Variants in TENM2 observed in about 807,000 individuals in gnomAD.
TENM2 encodes the protein teneurin-2.
TENM2 carries 52 observed loss-of-function variants against 245.2 expected under a neutral mutation model. The ratio of observed to expected loss-of-function variants is 0.21; its 90% CI spans 0.17 to 0.27. TENM2 has a LOEUF of 0.27. Among genes scored for constraint, TENM2 ranks in the 10% least tolerant of loss-of-function variants. TENM2 has a pLI of 1.00. For missense variants in TENM2, 3,046 were observed against 3,666.8 expected, an observed-to-expected ratio of 0.83 and a Z score of 4.37; for synonymous variants, 1,363 against 1,438.9, an observed-to-expected ratio of 0.95 and a Z score of 1.19.
chr5:168,224,270 A>AC (rs202186334), intron 23 of TENM2, among the ~76,000 whole-genome samples: 392 of 151,888 alleles, frequency 2.6e-3, no homozygotes, highest in Non-Finnish European at 3.8e-3. Flanking sequence ...GGTCTGCGCC[A>AC]CCCCATGCCT....
intron 3 of TENM2, among the ~76,000 whole-genome samples, chr5:167,915,235 G>T (rs1776846276): frequency 6.6e-6 from 1 of 152,092 alleles, no homozygotes; most frequent in Non-Finnish European, 1.5e-5. Flanking sequence ...GCAAAAAAAG[G>T]TAGACCCCAA....
chr5:167,201,522 C>T, the TENM2 span, among the ~76,000 whole-genome samples: 19 of 152,178 alleles, frequency 1.2e-4, no homozygotes, highest in Middle Eastern at 3.4e-3. Flanking sequence ...ATTTTAGTTA[C>T]GATGTTGTCA....
chr5:167,728,432 G>A (rs1483232175), intron 2 of TENM2, among the ~76,000 whole-genome samples: 1 of 151,780 alleles, frequency 6.6e-6, no homozygotes, highest in African/African-American at 2.4e-5. Context: ...GGGAGACCTC[G>A]TCTCTACTAA....
the TENM2 span, among the ~76,000 whole-genome samples, chr5:167,263,494 A>G: frequency 2.0e-5 from 3 of 152,218 alleles, no homozygotes; most frequent in Non-Finnish European, 2.9e-5. Flanking sequence ...ACAGAATTCT[A>G]TGAATTCCAT....
intron 2 of TENM2, among the ~76,000 whole-genome samples, chr5:167,635,371 C>A (rs1172335522): frequency 6.6e-6 from 1 of 151,946 alleles, no homozygotes; most frequent in African/African-American, 2.4e-5. Flanking sequence ...TCTCTCCTGC[C>A]CACCTTTCTT....
the TENM2 span, among the ~76,000 whole-genome samples, chr5:167,232,155 T>C: frequency 6.6e-6 from 1 of 152,146 alleles, no homozygotes; most frequent in Non-Finnish European, 1.5e-5. Flanking sequence ...GAACCTTTTC[T>C]AGGGCAGTGC....
intron 19 of TENM2, among the ~76,000 whole-genome samples, chr5:168,205,558 T>C (rs1480025708): frequency 6.6e-6 from 1 of 152,170 alleles, no homozygotes; most frequent in Non-Finnish European, 1.5e-5. Context: ...TAGGTCACGT[T>C]TGGCTAGGAT....
intron 1 of TENM2, among the ~76,000 whole-genome samples, chr5:167,321,801 TG>T (rs1343498230): frequency 0.023 from 170 of 7,268 alleles, 2 homozygotes; most frequent in African/African-American, 0.084. Flanking sequence ...TTTTTTTTTT[TG>T]GGGGGGGGGG....
intron 2 of TENM2, among the ~76,000 whole-genome samples, chr5:167,855,441 C>T (rs1355849715): frequency 1.3e-5 from 2 of 151,884 alleles, no homozygotes; most frequent in Admixed American, 6.6e-5. Context: ...TATATATGTT[C>T]GTATACATGT....
chr5:167,425,330 C>T (rs544375207), intron 2 of TENM2, among the ~76,000 whole-genome samples: 3 of 152,218 alleles, frequency 2.0e-5, no homozygotes, highest in South Asian at 2.1e-4. Flanking sequence ...GCTTGGACTC[C>T]GAGGTCAACA....
intron 5 of TENM2, among the ~76,000 whole-genome samples, chr5:168,035,754 T>G (rs73803849): frequency 6.6e-6 from 1 of 152,152 alleles, no homozygotes; most frequent in Non-Finnish European, 1.5e-5. Context: ...GGTTTCGTCC[T>G]AACTACAGGA....
intron 2 of TENM2, among the ~76,000 whole-genome samples, chr5:167,596,531 C>T (rs1201092292): frequency 6.6e-6 from 1 of 152,138 alleles, no homozygotes; most frequent in Non-Finnish European, 1.5e-5. Flanking sequence ...CGGTGGCTCA[C>T]GCCTGTAATC....
intron 2 of TENM2, among the ~76,000 whole-genome samples, chr5:167,379,682 A>T (rs940013090): frequency 1.3e-5 from 2 of 152,130 alleles, no homozygotes; most frequent in African/African-American, 4.8e-5. Context: ...TGCCTGGAAC[A>T]GACATAAAAA....
At chr5:167,533,570 C>A (rs938776870) in intron 2 of TENM2, among the ~76,000 whole-genome samples, 3 of 152,078 alleles carry the variant, frequency 2.0e-5, no homozygotes, top group African/African-American at 7.2e-5. Context: ...GATCTTCACA[C>A]CTTAGCCTCC....
intron 19 of TENM2, among the ~76,000 whole-genome samples, chr5:168,208,063 G>C (rs190811872): frequency 6.6e-6 from 1 of 152,240 alleles, no homozygotes; most frequent in East Asian, 1.9e-4. Flanking sequence ...CCCTGGAGCA[G>C]AGTAAATTTG....
At chr5:167,045,579 G>T in the TENM2 span, among the ~76,000 whole-genome samples, 1 of 152,166 alleles carries the variant, frequency 6.6e-6, no homozygotes, top group Non-Finnish European at 1.5e-5. Context: ...TTAGAGTTAA[G>T]CATCAATTTC....
At chr5:167,299,620 A>G (rs866107045) in intron 1 of TENM2, among the ~76,000 whole-genome samples, 2 of 152,182 alleles carry the variant, frequency 1.3e-5, no homozygotes, top group African/African-American at 4.8e-5. Context: ...GGCCTGTACT[A>G]TAGCATAGCC....
chr5:167,800,199 A>G (rs114101294), intron 2 of TENM2, among the ~76,000 whole-genome samples: 1,971 of 152,316 alleles, frequency 0.013, 41 homozygotes, highest in African/African-American at 0.045. Flanking sequence ...TGGCTCTTAC[A>G]GAATGCCACA....
At chr5:167,860,580 GGC>G (rs1387355410) in intron 2 of TENM2, among the ~76,000 whole-genome samples, 4 of 105,900 alleles carry the variant, frequency 3.8e-5, no homozygotes, top group Non-Finnish European at 7.5e-5. Context: ...GGATGACAAT[GGC>G]GGCTTTGTGG....
Sources: allele counts gnomAD v4.1 joint callset (sites outside exome capture counted in the v4.1 genomes callset), GRCh38; gene constraint gnomAD v4.1.1; transcripts MANE v1.5; gene names NCBI Gene and HGNC (gene_info 2026-07-23, HGNC 2026-07-21).